The following ATP2A3 variants were observed in gnomAD, a reference collection of about 807,000 sequenced individuals.
ATP2A3 encodes sarcoplasmic/endoplasmic reticulum calcium ATPase 3.
In ATP2A3, 61 loss-of-function variants were observed where a neutral mutation model predicts 106.8. The ratio of observed to expected loss-of-function variants is 0.57; its 90% CI spans 0.46 to 0.71. The LOEUF (loss-of-function observed/expected upper bound fraction) is 0.71, where lower values mean the gene tolerates loss of function less well. Among genes scored for constraint, ATP2A3 ranks in the 30% least tolerant of loss-of-function variants. The pLI, the probability that ATP2A3 is intolerant of heterozygous loss-of-function variation, is 0.00. For synonymous variants in ATP2A3, 611 were observed against 609.3 expected (o/e 1.00, Z -0.04); for missense variants, 1,201 against 1,423.5 (o/e 0.84, Z 2.52).
At chr17:3,962,940 G>T (rs2055220881) in intron 1 of ATP2A3, among the ~76,000 whole-genome samples, 1 of 152,188 alleles carries the variant, frequency 6.6e-6, no homozygotes, top group African/African-American at 2.4e-5. Flanking sequence ...CTGCAGCAAA[G>T]CACAACCTCC....
chr17:3,952,334 TG>T, intron 3 of ATP2A3, among the ~76,000 whole-genome samples: 1 of 152,182 alleles, frequency 6.6e-6, no homozygotes, highest in Middle Eastern at 3.4e-3. Context: ...CCTGCCAAAG[TG>T]CTAGGATTAC....
rs756830133 is a variant in ATP2A3, at chr17:3,940,943, C to G, written c.2100+28G>C. ...ACCCCGTGGCCCCACTCATCACCCC[C>G]TCCTGGGGCTCCAGGCTGTGGCCTC... On this transcript the variant is annotated intron_variant, in intron 14 of 20. Coordinates refer to ENST00000397041, the MANE Select transcript of ATP2A3 (RefSeq NM_005173.4). 2.5e-6 allele frequency: 4 copies of G among 1,613,258 alleles called. No individual in the cohort carries two copies. The South Asian group carries it at 4.4e-5, about 18-fold the overall frequency.
At position 3,929,012 on chromosome 17, in the gene ATP2A3, C is replaced by T. The variant is rs1597565145; in HGVS notation, c.2863-232G>A. On this transcript the variant is annotated intron_variant, in intron 19 of 20. Transcript: ENST00000397041. The surrounding 1 kb of genome is among the most constrained non-coding windows in gnomAD (Gnocchi z 4.3). ...CAGCTTCCTCTGCCTCAAGGGCCCA[C>T]CTCTGCCCTTGCCCACTGGGTCAAC... Among the ~76,000 whole-genome samples the T allele has an allele frequency of 6.6e-5, 10 of 152,150 alleles. 2 individuals carry two copies. The highest frequency in any genetic ancestry group is 6.5e-4 in the Admixed American group (10 of 15,284).
chr17:3,944,755 C>T lies in ATP2A3; in HGVS notation c.1236G>A (p.Glu412=), dbSNP rs1237396934. ...TGCACAGGGCGCAGATGGTCGCCAG[C>T]TCCACCAGCCCGTCGAACTGGCCGC... ...VRCGQFDGLV[E]LATICALCND... Residue 412 remains glutamate, a synonymous_variant, in exon 10 of 21, where the codon GAG becomes GAA. Transcript: ENST00000397041. The T allele has an allele frequency of 6.2e-7, 1 of 1,612,978 alleles. No homozygotes were observed. Among genetic ancestry groups the T allele is most frequent in the African/African-American group, 1.3e-5 (1 of 74,868 alleles).
Position 3,924,393 on chromosome 17 carries a change from T to C in ATP2A3, c.*1029A>G, listed in dbSNP as rs1597546961. ...GCGGGTGCCCTTGGGGAATCAGCCATCCTTAGTGACATCCTTTCGGCTCAT... is the reference window on the plus strand; with the variant it reads ...GCGGGTGCCCTTGGGGAATCAGCCACCCTTAGTGACATCCTTTCGGCTCAT... On this transcript the variant is annotated 3_prime_UTR_variant, in exon 21 of 21. Transcript: ENST00000397041. The surrounding 1 kb of genome is among the most constrained non-coding windows in gnomAD (Gnocchi z 6.4). 1 of 180,640 alleles carries C rather than the reference T, an allele frequency of 5.5e-6. No homozygotes were observed. The highest frequency in any genetic ancestry group is 1.8e-4 in the East Asian group (1 of 5,682). 11.2% of individuals were successfully genotyped at this position (180,640 alleles called of 1,614,324 possible).
chr17:3,951,546 G>GCCC, intron 4 of ATP2A3, 35 bp downstream of exon 4: 14 of 1,319,546 alleles, frequency 1.1e-5, no homozygotes, highest in Non-Finnish European at 1.4e-5. Context: ...CTGGGAGACC[G>GCCC]CCCCCCGCCC....
At chr17:3,935,451 C>T (rs142370112) in intron 16 of ATP2A3, among the ~76,000 whole-genome samples, 174 bp from the exon 17 acceptor site, 343 of 152,210 alleles carry the variant, frequency 2.3e-3, no homozygotes, top group Admixed American at 4.9e-3. Flanking sequence ...GCTGGTCAAT[C>T]AGCATCTGCC....
chr17:3,947,933 A>C lies in ATP2A3; in HGVS notation c.631-78T>G, dbSNP rs963464302. 7.2e-7 allele frequency: 1 copy of C among 1,391,132 alleles called. No homozygotes were observed. Among genetic ancestry groups the C allele is most frequent in the African/African-American group, 1.4e-5 (1 of 70,150 alleles). The allele number at this position is 1,391,132 out of a possible 1,614,324, so 86.2% of individuals were successfully genotyped here. A position where few individuals can be genotyped will look rare whatever the true frequency, so the allele number is the denominator to read the frequency against. ...AGGACCCCTGACTCCTTCAGGCCGG[A>C]ATAAGGCACTTATCCTTCTACCCGG... is the stretch of plus-strand genomic sequence containing the variant. On this transcript the variant is annotated intron_variant, in intron 7 of 20. Coordinates refer to ENST00000397041, the MANE Select transcript of ATP2A3 (RefSeq NM_005173.4). This position sits in a 1 kb window ranked among gnomAD's most constrained non-coding sequence, Gnocchi z 7.7.
At chr17:3,931,238 T>A (rs2053062909) in intron 17 of ATP2A3, among the ~76,000 whole-genome samples, 1 of 152,126 alleles carries the variant, frequency 6.6e-6, no homozygotes, top group African/African-American at 2.4e-5. Flanking sequence ...TGACAGAGAC[T>A]AATGAATTGC....
Position 3,941,079 on chromosome 17 carries a change from C to T in ATP2A3, c.1992G>A (p.Glu664=). 1 of 1,613,680 alleles carries T rather than the reference C, an allele frequency of 6.2e-7. No individual in the cohort carries two copies. Among genetic ancestry groups the T allele is most frequent in the Non-Finnish European group, 8.5e-7 (1 of 1,179,734 alleles). ...TGREFDDLSP[E]QQRQACRTAR... Reference sequence around the variant, plus strand: ...CGGTGCGGCAGGCCTGGCGCTGCTGCTCGGGGCTGAGGTCATCAAACTCGC... The same window carrying T: ...CGGTGCGGCAGGCCTGGCGCTGCTGTTCGGGGCTGAGGTCATCAAACTCGC... Residue 664 remains glutamate (E), a synonymous_variant, in exon 14 of 21, where the codon GAG becomes GAA. Coordinates refer to ENST00000397041, the MANE Select transcript of ATP2A3 (RefSeq NM_005173.4).
At position 3,928,355 on chromosome 17, in the gene ATP2A3, G is replaced by T; in HGVS notation, c.2980+308C>A. ...GGGTGCAGAGGGGTCAGAGGCTGAG[G>T]CCCAGAAGAGCACACAGTGCCCTGG... On this transcript the variant is annotated intron_variant, in intron 20 of 20. Transcript: ENST00000397041. This position sits in a 1 kb window ranked among gnomAD's most constrained non-coding sequence, Gnocchi z 6.1. The T allele has an allele frequency of 1.9e-6, 3 of 1,596,158 alleles. No homozygotes were observed. Among genetic ancestry groups the T allele is most frequent in the Non-Finnish European group, 2.6e-6 (3 of 1,166,254 alleles).
At chr17:3,959,275 C>T (rs1222598308) in intron 1 of ATP2A3, among the ~76,000 whole-genome samples, 1 of 152,146 alleles carries the variant, frequency 6.6e-6, no homozygotes, top group Non-Finnish European at 1.5e-5. Context: ...AACCCCCTTT[C>T]CAGGAAGCCT....
At position 3,950,616 on chromosome 17, in the gene ATP2A3, T is replaced by C. The variant is rs1344743910; in HGVS notation, c.545-20A>G. On this transcript the variant is annotated intron_variant, in intron 6 of 20. Coordinates refer to ENST00000397041, the MANE Select transcript of ATP2A3 (RefSeq NM_005173.4). The stretch of plus-strand genomic sequence containing the variant: ...ATTCACCTGGTCAGGGAATCAGAGA[T>C]GAGAAGCCCCACATGAAGACACGCC... 28 of 1,613,916 alleles carry C rather than the reference T, an allele frequency of 1.7e-5. No homozygotes were observed. Among genetic ancestry groups the C allele is most frequent in the Admixed American group, 3.3e-5 (2 of 59,986 alleles).
chr17:3,929,889 C>G lies in ATP2A3; in HGVS notation c.2744+412G>C, dbSNP rs1479793614. ...TGACCCCTGGAACCCAATCCTGGAC[C>G]CTTGACCCTCTGATCCCAATCCTGA... is the stretch of plus-strand genomic sequence containing the variant. On this transcript the variant is annotated intron_variant, in intron 18 of 20. Transcript: ENST00000397041. The surrounding 1 kb of genome is among the most constrained non-coding windows in gnomAD (Gnocchi z 4.3). Among the ~76,000 whole-genome samples the G allele has an allele frequency of 6.6e-6, 1 of 151,844 alleles. No homozygotes were observed. The highest frequency in any genetic ancestry group is 1.5e-5 in the Non-Finnish European group (1 of 67,948).
In ATP2A3 at chr17:3,926,823, C is replaced by T. The variant is rs934398939; in HGVS notation, c.2981-1382G>A. The T allele has an allele frequency of 6.1e-6, 6 of 982,010 alleles. No individual in the cohort carries two copies. The African/African-American group carries it at 1.0e-4, about 17-fold the overall frequency. 60.8% of individuals were successfully genotyped at this position (982,010 alleles called of 1,614,324 possible). On this transcript the variant is annotated intron_variant, in intron 20 of 20. Coordinates refer to ENST00000397041, the MANE Select transcript of ATP2A3 (RefSeq NM_005173.4). The surrounding 1 kb of genome is among the most constrained non-coding windows in gnomAD (Gnocchi z 4.6). Reference sequence around the variant, plus strand: ...GACTCAGGTGATCTGCCCACCTCGGCCTCCCAAAGTGCTGGGATGACAGGT... The same window carrying T: ...GACTCAGGTGATCTGCCCACCTCGGTCTCCCAAAGTGCTGGGATGACAGGT...
Position 3,926,695 on chromosome 17 carries a change from G to A in ATP2A3, c.2981-1254C>T, listed in dbSNP as rs1194561769. ...AGTGATTCTCCTGCCTCAGCCTCCC[G>A]AGTAGCTGGGATTATAGGCACCTGC... On this transcript the variant is annotated intron_variant, in intron 20 of 20. Transcript: ENST00000397041. This position sits in a 1 kb window ranked among gnomAD's most constrained non-coding sequence, Gnocchi z 4.6. 5.0e-5 allele frequency: 11 copies of A among 218,496 alleles called. No individual in the cohort carries two copies. The East Asian group carries it at 1.1e-3, about 22-fold the overall frequency. The allele number at this position is 218,496 out of a possible 1,614,324, so 13.5% of individuals were successfully genotyped here.
At chr17:3,951,213 A>AAAT in intron 5 of ATP2A3, 38 bp downstream of exon 5, 1 of 1,270,842 alleles carries the variant, frequency 7.9e-7, no homozygotes, top group Non-Finnish European at 1.0e-6. Flanking sequence ...ATAAATAAAT[A>AAAT]AAATAAAATA....
intron 7 of ATP2A3, 68 bp downstream of exon 7, chr17:3,950,443 C>T (rs1329045312): frequency 1.5e-5 from 23 of 1,545,404 alleles, no homozygotes; most frequent in African/African-American, 1.1e-4. Context: ...GGATTACAGG[C>T]GTGATCATAA....
At chr17:3,932,424 G>A (rs1458349802) in intron 17 of ATP2A3, among the ~76,000 whole-genome samples, 8 of 151,590 alleles carry the variant, frequency 5.3e-5, no homozygotes, top group Admixed American at 2.6e-4. Context: ...GCTTACAGGC[G>A]TGAGCCACTG....
Sources: allele counts gnomAD v4.1 joint callset (sites outside exome capture counted in the v4.1 genomes callset), GRCh38; gene constraint gnomAD v4.1.1; non-coding constraint Gnocchi (gnomAD v3.1); transcripts MANE v1.5; gene names NCBI Gene and HGNC (gene_info 2026-07-23, HGNC 2026-07-21).